LAMA2: variants seen among roughly 807,000 people sequenced by gnomAD.
LAMA2 encodes the protein laminin subunit alpha-2.
A neutral mutation model predicts 364.8 loss-of-function variants in LAMA2; 269 were observed. That is an observed-to-expected ratio of 0.74 (90% CI 0.67 to 0.82). LAMA2 has a LOEUF of 0.82. Ranked by LOEUF, LAMA2 falls within the 40% of genes least tolerant of loss-of-function variation. LAMA2 has a pLI of 0.00. For missense variants in LAMA2, 3,807 were observed against 3,873.2 expected (o/e 0.98, Z 0.45); for synonymous variants, 1,379 against 1,370.6 (o/e 1.01, Z -0.14).
At chr6:129,411,173 G>C (rs10457522) in intron 40 of LAMA2, among the ~76,000 whole-genome samples, 76,242 of 152,002 alleles carry the variant, frequency 0.5, 19,616 homozygotes, top group African/African-American at 0.62. Context: ...AATTTACAAT[G>C]ACACTGGCCT....
At chr6:129,300,979 T>G in intron 22 of LAMA2, 107 bp downstream of exon 22, 2 of 931,352 alleles carry the variant, frequency 2.1e-6, no homozygotes, top group Non-Finnish European at 3.5e-6. Flanking sequence ...CAAAATAATG[T>G]AGAAGTATTA....
intron 12 of LAMA2, among the ~76,000 whole-genome samples, chr6:129,212,463 G>A (rs1363411334): frequency 2.0e-5 from 3 of 152,028 alleles, no homozygotes; most frequent in Non-Finnish European, 2.9e-5. Flanking sequence ...AGTTTTATAT[G>A]TTGAGAGTCC....
intron 19 of LAMA2, among the ~76,000 whole-genome samples, chr6:129,290,833 TAAATG>T (rs1562422279): frequency 6.6e-6 from 1 of 152,204 alleles, no homozygotes; most frequent in East Asian, 1.9e-4. Context: ...AAAGATTACT[TAAATG>T]AAATATGTTT....
chr6:129,157,679 T>G, intron 8 of LAMA2: 1 of 1,612,076 alleles, frequency 6.2e-7, no homozygotes, highest in Non-Finnish European at 8.5e-7. Context: ...TAGACACAAT[T>G]GGCCGCAAAC....
At chr6:129,269,364 C>CTTTTTTTTTTT (rs370461121) in intron 16 of LAMA2, among the ~76,000 whole-genome samples, 3 of 144,686 alleles carry the variant, frequency 2.1e-5, no homozygotes, top group Non-Finnish European at 3.0e-5. Context: ...AAGCTTCCAT[C>CTTTTTTTTTTT]TTTTTTTTTT....
At chr6:129,490,396 A>C (rs1041955552) in intron 56 of LAMA2, among the ~76,000 whole-genome samples, 3 of 152,154 alleles carry the variant, frequency 2.0e-5, no homozygotes, top group Non-Finnish European at 4.4e-5. Context: ...CCACCCTGTG[A>C]ATTGGTTTAA....
At chr6:129,306,313 C>CTTTTTT (rs11315443) in intron 22 of LAMA2, among the ~76,000 whole-genome samples, 117 of 70,252 alleles carry the variant, frequency 1.7e-3, no homozygotes, top group Middle Eastern at 0.023. Context: ...TAATTTTTTC[C>CTTTTTT]TTTTTTTTTT....
rs186495631 is a variant in LAMA2 at position 129,239,904 on chromosome 6, G to T, written c.1783-10208G>T. On this transcript the variant is annotated intron_variant, in intron 12 of 64. Coordinates refer to ENST00000421865, the MANE Select transcript of LAMA2 (RefSeq NM_000426.4). ...GTATATATGAAGGGGAGTTTGTTAG[G>T]AGAATTGGCTCACATGATCACAAGG... Among the ~76,000 whole-genome samples the T allele has an allele frequency of 3.9e-5, 6 of 152,262 alleles. 1 individual carries two copies. The highest frequency in any genetic ancestry group is 2.6e-4 in the Admixed American group (4 of 15,294).
At position 129,340,098 on chromosome 6, in the gene LAMA2, G is replaced by A. The variant is rs566476560; in HGVS notation, c.4312-2245G>A. On this transcript the variant is annotated intron_variant, in intron 29 of 64. Coordinates refer to ENST00000421865, the MANE Select transcript of LAMA2 (RefSeq NM_000426.4). ...ATGGCTACAGAAAACCTACATATGA[G>A]GCCTGATGATTGTAAGTTTTGCTTT... Among the ~76,000 whole-genome samples the A allele has an allele frequency of 1.8e-4, 27 of 152,148 alleles. No individual in the cohort carries two copies. The South Asian group carries it at 3.5e-3, about 20-fold the overall frequency.
rs1583133355 is a variant in LAMA2, at chr6:129,147,012, T to A, written c.873T>A (p.Gly291=). The A allele has an allele frequency of 6.2e-7, 1 of 1,611,782 alleles. No individual in the cohort carries two copies. The highest frequency in any genetic ancestry group is 1.3e-5 in the African/African-American group (1 of 74,836). Residue 291 remains glycine, a synonymous_variant, in exon 6 of 65, where the codon GGT becomes GGA. Coordinates refer to ENST00000421865, the MANE Select transcript of LAMA2 (RefSeq NM_000426.4). ...ISVGGMCICY[G]HARACPLDPA... ...TTGGAGGGATGTGCATCTGCTATGG[T>A]CATGCCAGGGCTTGTCCACTTGATC...
At chr6:129,443,851 C>T (rs7749156) in intron 44 of LAMA2, among the ~76,000 whole-genome samples, 3,865 of 151,986 alleles carry the variant, frequency 0.025, 165 homozygotes, top group African/African-American at 0.088. Context: ...GTGTCCTCAG[C>T]GGAAAATGAG....
intron 9 of LAMA2, among the ~76,000 whole-genome samples, chr6:129,173,199 C>A (rs959617595): frequency 1.3e-5 from 2 of 152,148 alleles, no homozygotes; most frequent in Non-Finnish European, 2.9e-5. Context: ...CTCCTCTCCC[C>A]GATTCAGTTT....
intron 17 of LAMA2, among the ~76,000 whole-genome samples, chr6:129,274,008 A>T (rs1035417333): frequency 2.0e-5 from 3 of 151,936 alleles, no homozygotes; most frequent in Admixed American, 6.6e-5. Context: ...TAGAATAGCA[A>T]TTTATTTTAA....
intron 1 of LAMA2, among the ~76,000 whole-genome samples, chr6:128,975,125 T>C (rs780645493): frequency 6.6e-6 from 1 of 152,198 alleles, no homozygotes; most frequent in Non-Finnish European, 1.5e-5. Flanking sequence ...GTGCTGGGAT[T>C]ACAGGCCTGA....
intron 34 of LAMA2, among the ~76,000 whole-genome samples, chr6:129,377,773 G>C (rs534813733): frequency 6.6e-6 from 1 of 152,280 alleles, no homozygotes; most frequent in Non-Finnish European, 1.5e-5. Context: ...AAAGAAGGCA[G>C]AAAATGAAAC....
intron 1 of LAMA2, among the ~76,000 whole-genome samples, chr6:128,993,142 A>G (rs1261935639): frequency 6.6e-6 from 1 of 152,202 alleles, no homozygotes; most frequent in African/African-American, 2.4e-5. Flanking sequence ...TTCAGCTACA[A>G]CAACCACACT....
intron 27 of LAMA2, among the ~76,000 whole-genome samples, chr6:129,319,204 C>T (rs974121866): frequency 2.0e-5 from 3 of 151,978 alleles, no homozygotes; most frequent in African/African-American, 4.8e-5. Context: ...AAAGGTCATT[C>T]AGAGCATTGG....
intron 12 of LAMA2, among the ~76,000 whole-genome samples, chr6:129,212,915 A>T (rs957192994): frequency 6.6e-6 from 1 of 152,232 alleles, no homozygotes; most frequent in African/African-American, 2.4e-5. Context: ...TCAAATGTTT[A>T]TTATGATGTC....
At chr6:129,492,772 G>C (rs1425305725) in intron 58 of LAMA2, among the ~76,000 whole-genome samples, 1 of 152,164 alleles carries the variant, frequency 6.6e-6, no homozygotes, top group Non-Finnish European at 1.5e-5. Context: ...AACCATGTTG[G>C]TTTCCAGGCC....
Sources: gnomAD v4.1 joint callset for allele counts (sites outside exome capture counted in the v4.1 genomes callset) on GRCh38, gnomAD v4.1.1 for gene constraint, MANE v1.5 for transcripts, NCBI Gene and HGNC (gene_info 2026-07-23, HGNC 2026-07-21) for gene names.